Variants in TDRD12 observed in about 807,000 individuals in gnomAD.
TDRD12 encodes the protein putative ATP-dependent RNA helicase TDRD12.
In TDRD12, 158 loss-of-function variants were observed where a neutral mutation model predicts 133.5. The observed-to-expected ratio is 1.18, with a 90% confidence interval of 1.04 to 1.35. TDRD12 has a LOEUF of 1.35. TDRD12 is among the 40% of genes most tolerant of loss of function. The pLI is 0.00. For missense variants in TDRD12, 1,443 were observed against 1,321.3 expected (o/e 1.09, Z -1.43); for synonymous variants, 460 against 477.9 (o/e 0.96, Z 0.49).
downstream of TDRD12, among the ~76,000 whole-genome samples, chr19:32,822,440 T>C (rs1414092330): frequency 1.4e-5 from 2 of 148,064 alleles, no homozygotes; most frequent in Non-Finnish European, 3.0e-5. Flanking sequence ...TCAAAATAAA[T>C]AAATAAACAA....
chr19:32,828,439 C>G (rs1967658438), exon 10 of TDRD12: 2 of 152,120 alleles, frequency 1.3e-5, no homozygotes, highest in South Asian at 4.1e-4. Flanking sequence ...ATGGCCACAC[C>G]CAGAGGCTGG....
chr19:32,754,838 G>A (rs1242734637), intron 6 of TDRD12, among the ~76,000 whole-genome samples: 1 of 151,958 alleles, frequency 6.6e-6, no homozygotes, highest in East Asian at 1.9e-4. Flanking sequence ...CCACCACGCC[G>A]GGCTAATTTT....
rs530736767 is a variant in TDRD12, at chr19:32,806,761, G to A, written c.2553-788G>A. Among the ~76,000 whole-genome samples the A allele has an allele frequency of 7.8e-4, 119 of 151,722 alleles. No homozygotes were observed. In the South Asian group the frequency reaches 0.013, roughly 16 times the overall value. ...CAACCTCTGCGTCCTGGGTTCAAGCGATTCTCCTGCATCAGCCTCCTGAGT... is the reference window on the plus strand; with the variant it reads ...CAACCTCTGCGTCCTGGGTTCAAGCAATTCTCCTGCATCAGCCTCCTGAGT... On this transcript the variant is annotated intron_variant, in intron 21 of 27. Coordinates refer to ENST00000444215, the Ensembl canonical transcript of TDRD12.
intron 4 of TDRD12, among the ~76,000 whole-genome samples, chr19:32,744,514 AAAAAAAAAAAC>A (rs1969536596): frequency 6.6e-6 from 1 of 150,628 alleles, no homozygotes; most frequent in Non-Finnish European, 1.5e-5. Flanking sequence ...AAAAAAAAAA[AAAAAAAAAAAC>A]AAAAGAATAT....
chr19:32,722,556 CG>C lies in TDRD12; in HGVS notation c.24+2462del, dbSNP rs1968716502. 2.6e-5 allele frequency among the ~76,000 whole-genome samples: 4 copies of C among 151,924 alleles called. No homozygotes were observed. The South Asian group carries it at 8.3e-4, about 31-fold the overall frequency. The stretch of plus-strand genomic sequence containing the variant: ...ATCCATCAACAGATGACTGGGTAAA[CG>C]GAAGGTGGTTTGTACATACACAATG... On this transcript the variant is annotated intron_variant, in intron 1 of 27. Transcript: ENST00000444215.
At chr19:32,755,277 TTTGGATCATATTGTAGG>T (rs1969959324) in intron 6 of TDRD12, among the ~76,000 whole-genome samples, 1 of 152,206 alleles carries the variant, frequency 6.6e-6, no homozygotes. Context: ...GAGTCAAACT[TTTGGATCATATTGTAGG>T]TATTAAGAAG....
At chr19:32,777,084 G>A in intron 10 of TDRD12, 65 bp from the exon 11 acceptor site, 4 of 990,370 alleles carry the variant, frequency 4.0e-6, no homozygotes, top group Non-Finnish European at 6.0e-6. Flanking sequence ...GTCGAGATGG[G>A]GACTCACTGT....
At chr19:32,822,856 T>G (rs1169798212), downstream of TDRD12, among the ~76,000 whole-genome samples, 2 of 152,198 alleles carry the variant, frequency 1.3e-5, no homozygotes, top group Admixed American at 6.5e-5. Context: ...CTGGAATTTA[T>G]CTTCGTGTGG....
At chr19:32,742,421 A>G (rs531282758) in intron 3 of TDRD12, among the ~76,000 whole-genome samples, 103 of 152,266 alleles carry the variant, frequency 6.8e-4, no homozygotes, top group African/African-American at 2.4e-3. Flanking sequence ...TCGGCCTTCC[A>G]AAGTGCTGGG....
At position 32,795,374 on chromosome 19, in the gene TDRD12, T is replaced by A. The variant is rs114702005; in HGVS notation, c.1473+561T>A. On this transcript the variant is annotated intron_variant, in intron 14 of 27. Coordinates refer to ENST00000444215, the Ensembl canonical transcript of TDRD12. ...AAAAGAAAGAAAAAGAAAAAATGGA[T>A]ATCGAGTGTGTAAAATGCTGTCACA... 3.3e-3 allele frequency among the ~76,000 whole-genome samples: 500 copies of A among 149,324 alleles called. 4 individuals carry two copies. The highest frequency in any genetic ancestry group is 0.012 in the African/African-American group (473 of 40,566).
At chr19:32,726,458 GCTTT>G (rs1282269137) in intron 1 of TDRD12, among the ~76,000 whole-genome samples, 2 of 152,116 alleles carry the variant, frequency 1.3e-5, no homozygotes, top group African/African-American at 4.8e-5. Context: ...CTGAAACTCT[GCTTT>G]CTCTATGAAT....
At chr19:32,733,585 G>A (rs1183317142) in intron 2 of TDRD12, among the ~76,000 whole-genome samples, 1 of 152,128 alleles carries the variant, frequency 6.6e-6, no homozygotes, top group Non-Finnish European at 1.5e-5. Context: ...AACTTCATGT[G>A]AACTTCATGT....
intron 2 of TDRD12, among the ~76,000 whole-genome samples, chr19:32,735,990 C>A (rs536793722): frequency 6.6e-6 from 1 of 151,958 alleles, no homozygotes; most frequent in Non-Finnish European, 1.5e-5. Flanking sequence ...TAGGAGAAGT[C>A]GGTGTCTTTA....
intron 8 of TDRD12, among the ~76,000 whole-genome samples, chr19:32,768,394 T>C (rs1467671260): frequency 7.2e-6 from 1 of 138,044 alleles, no homozygotes; most frequent in Non-Finnish European, 1.6e-5. Flanking sequence ...TCTTTTTTTT[T>C]TTTTTTCTTT....
intron 8 of TDRD12, among the ~76,000 whole-genome samples, chr19:32,766,621 A>C (rs1599557962): frequency 6.8e-6 from 1 of 147,516 alleles, no homozygotes; most frequent in Non-Finnish European, 1.5e-5. Flanking sequence ...ATTAGCCATA[A>C]TTTTTTTTTT....
At chr19:32,732,641 C>T (rs1969094625) in intron 2 of TDRD12, among the ~76,000 whole-genome samples, 1 of 152,136 alleles carries the variant, frequency 6.6e-6, no homozygotes, top group South Asian at 2.1e-4. Context: ...GTCATGGTTG[C>T]CACAGCTCAG....
chr19:32,782,101 T>C (rs1314187970), intron 11 of TDRD12, among the ~76,000 whole-genome samples: 3 of 151,962 alleles, frequency 2.0e-5, no homozygotes, highest in Non-Finnish European at 2.9e-5. Flanking sequence ...ATTTCTCCTA[T>C]TGTTATCCCT....
intron 13 of TDRD12, among the ~76,000 whole-genome samples, chr19:32,791,437 T>C (rs982447263): frequency 2.0e-5 from 3 of 152,186 alleles, no homozygotes; most frequent in East Asian, 3.8e-4. Flanking sequence ...TACACACATA[T>C]GGTTTCATTT....
chr19:32,825,224 T>C (rs1003712087), downstream of TDRD12, among the ~76,000 whole-genome samples: 3 of 152,200 alleles, frequency 2.0e-5, no homozygotes, highest in Admixed American at 6.5e-5. This position sits in a 1 kb window ranked among gnomAD's most constrained non-coding sequence, Gnocchi z 4.1. Flanking sequence ...AGGAGTCTGT[T>C]TGTTTCTTTG....
Sources: gnomAD v4.1 joint callset for allele counts (sites outside exome capture counted in the v4.1 genomes callset) on GRCh38, gnomAD v4.1.1 for gene constraint, Gnocchi (gnomAD v3.1) non-coding constraint, MANE v1.5 for transcripts, NCBI Gene and HGNC (gene_info 2026-07-23, HGNC 2026-07-21) for gene names.